LYRM7: variants seen among roughly 807,000 people sequenced by gnomAD.
LYRM7 encodes the protein LYR motif containing 7, also known as complex III assembly factor LYRM7.
A neutral mutation model predicts 15.8 loss-of-function variants in LYRM7; 9 were observed. That is an observed-to-expected ratio of 0.57 (90% CI 0.34 to 0.99). The LOEUF is 0.99. Ranked by LOEUF, LYRM7 falls within the 50% of genes least tolerant of loss-of-function variation. LYRM7 has a pLI of 0.02. For synonymous variants in LYRM7, 39 were observed against 39.4 expected, an observed-to-expected ratio of 0.99 and a Z score of 0.04; for missense variants, 115 against 119.1, an observed-to-expected ratio of 0.97 and a Z score of 0.16.
chr5:131,187,211 G>T, intron 4 of LYRM7, 102 bp downstream of exon 4: 1 of 668,370 alleles, frequency 1.5e-6, no homozygotes, highest in Non-Finnish European at 2.6e-6. Context: ...GCTTGATTTT[G>T]CCAGACAATA....
intron 1 of LYRM7, among the ~76,000 whole-genome samples, chr5:131,176,158 C>CT: frequency 6.6e-6 from 1 of 152,322 alleles, no homozygotes; most frequent in Non-Finnish European, 1.5e-5. Flanking sequence ...GTTATTTCTA[C>CT]TTTTTCACTA....
intron 3 of LYRM7, 108 bp downstream of exon 3, chr5:131,182,407 A>C: frequency 9.5e-7 from 1 of 1,048,894 alleles, no homozygotes; most frequent in South Asian, 1.8e-5. Context: ...CTTGATAGTT[A>C]AGGCCATCAC....
In LYRM7 at chr5:131,203,621, A is replaced by G. The variant is rs1185060325; in HGVS notation, c.*4020A>G. The G allele has an allele frequency of 6.6e-6, 1 of 152,370 alleles. No homozygotes were observed. The highest frequency in any genetic ancestry group is 1.5e-5 in the Non-Finnish European group (1 of 68,158). The allele number at this position is 152,370 out of a possible 1,614,324, so 9.4% of individuals were successfully genotyped here. ...GGCGTGAGAATCGCTTGAACCCGGT[A>G]GGCAGATGTTGCAGTGAGCCGAGAT... On this transcript the variant is annotated 3_prime_UTR_variant, in exon 5 of 5. Coordinates refer to ENST00000379380, the MANE Select transcript of LYRM7 (RefSeq NM_181705.4).
rs1396017955 is a variant in LYRM7 at position 131,181,290 on chromosome 5, A to AT, written c.92-939_92-938insT. 6.1e-4 allele frequency among the ~76,000 whole-genome samples: 10 copies of AT among 16,488 alleles called. 1 individual carries two copies. Among genetic ancestry groups the AT allele is most frequent in the East Asian group, 2.2e-3 (2 of 892 alleles). The allele number at this position is 16,488 out of a possible 152,430, so 10.8% of individuals were successfully genotyped here. ...GACTCCATCTGAAAAAAAAAAAAAA[A>AT]AAAAAAAAAAAAATATATATATATA... On this transcript the variant is annotated intron_variant, in intron 2 of 4. Transcript: ENST00000379380.
chr5:131,173,561 C>G (rs990485697), intron 1 of LYRM7, among the ~76,000 whole-genome samples: 1 of 152,082 alleles, frequency 6.6e-6, no homozygotes, highest in African/African-American at 2.4e-5. Flanking sequence ...CTGGCCAACG[C>G]AGTGAAACCC....
chr5:131,201,782 T>C lies in LYRM7; in HGVS notation c.*2181T>C, dbSNP rs1756071825. ...TAAACATGTCAACAACAGGCTTGAC[T>C]GTCACAAAATTCTGAAAGATGTCGC... On this transcript the variant is annotated 3_prime_UTR_variant, in exon 5 of 5. Coordinates refer to ENST00000379380, the MANE Select transcript of LYRM7 (RefSeq NM_181705.4). The C allele has an allele frequency of 6.6e-6, 1 of 152,190 alleles. No homozygotes were observed. Among genetic ancestry groups the C allele is most frequent in the African/African-American group, 2.4e-5 (1 of 41,450 alleles). 9.4% of individuals were successfully genotyped at this position (152,190 alleles called of 1,614,324 possible). A position where few individuals can be genotyped will look rare whatever the true frequency, so the allele number is the denominator to read the frequency against.
rs1265990783 is a variant in LYRM7 at position 131,171,072 on chromosome 5, C to T, written c.18+34C>T. ...GCCCGGGAAGGGGTGGGTACGATGCCGTCGGGGAGGGTATGTTCGCGTCCT... is the reference window on the plus strand; with the variant it reads ...GCCCGGGAAGGGGTGGGTACGATGCTGTCGGGGAGGGTATGTTCGCGTCCT... On this transcript the variant is annotated intron_variant, in intron 1 of 4. Coordinates refer to ENST00000379380, the MANE Select transcript of LYRM7 (RefSeq NM_181705.4). The T allele has an allele frequency of 3.3e-6, 5 of 1,507,368 alleles. No individual in the cohort carries two copies. The African/African-American group carries it at 4.4e-5, about 13-fold the overall frequency. 93.4% of individuals were successfully genotyped at this position (1,507,368 alleles called of 1,614,324 possible).
chr5:131,181,402 T>C lies in LYRM7; in HGVS notation c.92-827T>C, dbSNP rs1201173140. ...ATATAATATATACATATATATTATATATACATATATATGTTTATATATATA... is the reference window on the plus strand; with the variant it reads ...ATATAATATATACATATATATTATACATACATATATATGTTTATATATATA... On this transcript the variant is annotated intron_variant, in intron 2 of 4. Coordinates refer to ENST00000379380, the MANE Select transcript of LYRM7 (RefSeq NM_181705.4). Among the ~76,000 whole-genome samples the C allele has an allele frequency of 3.6e-5, 4 of 112,522 alleles. No homozygotes were observed. In the East Asian group the frequency reaches 6.5e-4, roughly 18 times the overall value. 73.8% of individuals were successfully genotyped at this position (112,522 alleles called of 152,430 possible).
chr5:131,204,387 T>C lies in LYRM7; in HGVS notation c.*4786T>C, dbSNP rs1206223665. 1 of 151,906 alleles carries C rather than the reference T, an allele frequency of 6.6e-6. No individual in the cohort carries two copies. Among genetic ancestry groups the C allele is most frequent in the Non-Finnish European group, 1.5e-5 (1 of 67,992 alleles). The allele number at this position is 151,906 out of a possible 1,614,324, so 9.4% of individuals were successfully genotyped here. On this transcript the variant is annotated 3_prime_UTR_variant, in exon 5 of 5. Transcript: ENST00000379380. ...TAAACAATTTAAAACAGACTGAGTT[T>C]CCAAAGTTAGGGTACAATGAAAGAA...
At chr5:131,188,235 C>A (rs1047846694) in intron 4 of LYRM7, among the ~76,000 whole-genome samples, 3 of 151,802 alleles carry the variant, frequency 2.0e-5, no homozygotes, top group Non-Finnish European at 2.9e-5. Context: ...CCAGCCTGGG[C>A]GACAGAGTAA....
At chr5:131,173,067 A>G (rs545772536) in intron 1 of LYRM7, among the ~76,000 whole-genome samples, 1 of 152,352 alleles carries the variant, frequency 6.6e-6, no homozygotes, top group South Asian at 2.1e-4. Flanking sequence ...TGTACTTTAA[A>G]TAGCATGTAA....
intron 2 of LYRM7, among the ~76,000 whole-genome samples, chr5:131,181,317 A>ATATATATATATT (rs1755693171): frequency 4.6e-5 from 1 of 21,630 alleles, no homozygotes; most frequent in African/African-American, 1.1e-4. Context: ...ATATATATAT[A>ATATATATATATT]CACACACACA....
At chr5:131,196,187 T>C (rs113537174) in intron 4 of LYRM7, among the ~76,000 whole-genome samples, 4,415 of 147,442 alleles carry the variant, frequency 0.03, 164 homozygotes, top group African/African-American at 0.09. Flanking sequence ...CACTGCAACC[T>C]CAGCCTCCCG....
intron 3 of LYRM7, among the ~76,000 whole-genome samples, chr5:131,183,284 A>C (rs1344036250): frequency 6.6e-6 from 1 of 152,184 alleles, no homozygotes; most frequent in African/African-American, 2.4e-5. Context: ...CTGAAACATG[A>C]TAGGGCAAAT....
intron 1 of LYRM7, among the ~76,000 whole-genome samples, chr5:131,178,957 G>A (rs1296292795): frequency 2.1e-5 from 2 of 96,118 alleles, no homozygotes; most frequent in African/African-American, 9.8e-5. Flanking sequence ...GTGAGACTCC[G>A]TCTCAAAAAA....
chr5:131,175,117 A>C (rs1169060410), intron 1 of LYRM7, among the ~76,000 whole-genome samples: 1 of 151,646 alleles, frequency 6.6e-6, no homozygotes, highest in Non-Finnish European at 1.5e-5. Flanking sequence ...GGTAGAGTAG[A>C]CTTAGCATAA....
chr5:131,191,319 G>A (rs559201595), intron 4 of LYRM7, among the ~76,000 whole-genome samples: 80 of 152,080 alleles, frequency 5.3e-4, no homozygotes, highest in Admixed American at 1.9e-3. Context: ...GAAATGACAA[G>A]AATAAAAATT....
intron 4 of LYRM7, among the ~76,000 whole-genome samples, chr5:131,198,475 G>T (rs1349248557): frequency 6.6e-6 from 1 of 152,138 alleles, no homozygotes; most frequent in African/African-American, 2.4e-5. Context: ...TTTGTAGAAG[G>T]TCGTGCAAGC....
intron 1 of LYRM7, among the ~76,000 whole-genome samples, chr5:131,175,863 A>G (rs1279340235): frequency 6.6e-6 from 1 of 152,056 alleles, no homozygotes; most frequent in East Asian, 1.9e-4. Flanking sequence ...GGTTCAAGCA[A>G]TTCTCCTGCC....
Sources: allele counts gnomAD v4.1 joint callset (sites outside exome capture counted in the v4.1 genomes callset), GRCh38; gene constraint gnomAD v4.1.1; transcripts MANE v1.5; gene names NCBI Gene and HGNC (gene_info 2026-07-23, HGNC 2026-07-21).